Variants in RNF38 observed in about 807,000 individuals in gnomAD.
The protein encoded by RNF38 is E3 ubiquitin-protein ligase RNF38.
In RNF38, 15 loss-of-function variants were observed where a neutral mutation model predicts 67.2. The observed-to-expected ratio is 0.22, with a 90% CI of 0.15 to 0.34. RNF38 has a LOEUF of 0.34. Among genes scored for constraint, RNF38 ranks in the 10% least tolerant of loss-of-function variants. The pLI, the probability that RNF38 is intolerant of heterozygous loss-of-function variation, is 1.00. For synonymous variants in RNF38, 220 were observed against 218.8 expected, an observed-to-expected ratio of 1.01 and a Z score of -0.05; for missense variants, 524 against 639.9, an observed-to-expected ratio of 0.82 and a Z score of 1.95.
At chr9:36,349,208 G>A (rs1347670177) in intron 9 of RNF38, among the ~76,000 whole-genome samples, 1 of 152,236 alleles carries the variant, frequency 6.6e-6, no homozygotes, top group Non-Finnish European at 1.5e-5. Flanking sequence ...ACAAAGAGAT[G>A]AATCTGGTTT....
chr9:36,420,449 G>A (rs567752363), intron 2 of RNF38, among the ~76,000 whole-genome samples: 1 of 148,762 alleles, frequency 6.7e-6, no homozygotes, highest in Non-Finnish European at 1.5e-5. Flanking sequence ...GGAGAATGGA[G>A]TGAACCCAGG....
intron 7 of RNF38, 123 bp downstream of exon 7, chr9:36,353,047 T>C (rs1564001845): frequency 4.3e-6 from 4 of 931,290 alleles, no homozygotes; most frequent in Non-Finnish European, 6.6e-6. Context: ...TAAATATAAC[T>C]TTCCAACTGA....
intron 1 of RNF38, among the ~76,000 whole-genome samples, chr9:36,427,374 T>C (rs1838799670): frequency 1.3e-5 from 2 of 152,214 alleles, no homozygotes; most frequent in South Asian, 4.1e-4. Context: ...TAATGACCTC[T>C]TCCTCCTTTC....
Position 36,474,467 on chromosome 9 carries a change from T to C in RNF38, n.241+12841A>G, listed in dbSNP as rs1174976510. Reference sequence around the variant, plus strand: ...TTCAGTCTTTTGTTATCAAAACTACTTGCTGTGTTTTCGGAGGCTATCTGT... The same window carrying C: ...TTCAGTCTTTTGTTATCAAAACTACCTGCTGTGTTTTCGGAGGCTATCTGT... On this transcript the variant is annotated intron_variant and non_coding_transcript_variant, in intron 1 of 3. Coordinates refer to the RNF38 transcript ENST00000488058. Among the ~76,000 whole-genome samples the C allele has an allele frequency of 2.0e-5, 3 of 148,568 alleles. 1 individual carries two copies. Among genetic ancestry groups the C allele is most frequent in the Admixed American group, 1.3e-4 (2 of 14,884 alleles).
intron 1 of RNF38, among the ~76,000 whole-genome samples, chr9:36,396,727 A>C (rs919366567): frequency 6.6e-6 from 1 of 152,102 alleles, no homozygotes; most frequent in African/African-American, 2.4e-5. Context: ...TAACCAAAAA[A>C]ATCTAATTGA....
In RNF38 at chr9:36,487,465, C is replaced by T. The variant is rs1429157203; in HGVS notation, n.84G>A. The T allele has an allele frequency of 4.1e-6, 4 of 980,330 alleles. No individual in the cohort carries two copies. The East Asian group carries it at 3.4e-4, about 84-fold the overall frequency. The allele number at this position is 980,330 out of a possible 1,614,324, so 60.7% of individuals were successfully genotyped here. ...GCGGGGGCCCAAGCTCGGCGGGGCC[C>T]GGCCTGGGAGACGACGACTGAGGCT... On this transcript the variant is annotated non_coding_transcript_exon_variant, in exon 1 of 4. Coordinates refer to the RNF38 transcript ENST00000488058.
At chr9:36,342,278 A>C (rs776054318) in intron 11 of RNF38, 47 bp downstream of exon 11, 4 of 1,342,516 alleles carry the variant, frequency 3.0e-6, no homozygotes, top group Middle Eastern at 1.8e-4. Context: ...ATGGTCAATA[A>C]AATAGAAAAT....
At chr9:36,408,189 C>A (rs1452924198) in intron 2 of RNF38, among the ~76,000 whole-genome samples, 2 of 152,024 alleles carry the variant, frequency 1.3e-5, no homozygotes, top group Non-Finnish European at 2.9e-5. Context: ...CCCTTGAATT[C>A]CTGGGGGCTC....
At chr9:36,387,286 C>T (rs182305367) in intron 2 of RNF38, among the ~76,000 whole-genome samples, 1 of 152,348 alleles carries the variant, frequency 6.6e-6, no homozygotes, top group East Asian at 1.9e-4. Flanking sequence ...TAAGAACCCT[C>T]TCCTGGGGTC....
At chr9:36,342,072 T>C (rs2133339021) in intron 11 of RNF38, among the ~76,000 whole-genome samples, 1 of 152,302 alleles carries the variant, frequency 6.6e-6, no homozygotes. Flanking sequence ...AGTTCGGGCC[T>C]TGTCCCTATA....
chr9:36,477,684 G>A (rs1293942950), intron 1 of RNF38, among the ~76,000 whole-genome samples: 6 of 151,720 alleles, frequency 4.0e-5, no homozygotes, highest in Admixed American at 1.3e-4. Context: ...TTAGCCGGGC[G>A]TGGTGGGGGG....
At chr9:36,479,235 A>C (rs1840192856) in intron 1 of RNF38, among the ~76,000 whole-genome samples, 2 of 152,294 alleles carry the variant, frequency 1.3e-5, no homozygotes, top group African/African-American at 4.8e-5. Context: ...GGGAATTATA[A>C]TTACAGCAAT....
At chr9:36,487,002 T>C (rs1311775021) in intron 1 of RNF38, among the ~76,000 whole-genome samples, 3 of 152,086 alleles carry the variant, frequency 2.0e-5, no homozygotes, top group Non-Finnish European at 4.4e-5. Flanking sequence ...TCATTGGCTA[T>C]GTGACCTTGG....
At chr9:36,451,500 T>TTTGTTTGTTTG (rs1554698295) in intron 1 of RNF38, among the ~76,000 whole-genome samples, 2,109 of 135,248 alleles carry the variant, frequency 0.016, 89 homozygotes, top group African/African-American at 0.052. Flanking sequence ...AGTTTTTTTT[T>TTTGTTTGTTTG]TTTTTTTTTT....
Position 36,391,771 on chromosome 9 carries a change from G to A in RNF38, c.13-1155C>T, listed in dbSNP as rs544333051. ...TGGGACTACAGGCGCCCGCCACCCCGCCTGGCTAATTTTTTGTATTTTTAG... is the reference window on the plus strand; with the variant it reads ...TGGGACTACAGGCGCCCGCCACCCCACCTGGCTAATTTTTTGTATTTTTAG... On this transcript the variant is annotated intron_variant, in intron 1 of 11. Transcript: ENST00000259605. 3.2e-3 allele frequency among the ~76,000 whole-genome samples: 485 copies of A among 151,932 alleles called. 3 individuals carry two copies. Among genetic ancestry groups the A allele is most frequent in the African/African-American group, 0.011 (448 of 41,432 alleles).
intron 1 of RNF38, among the ~76,000 whole-genome samples, chr9:36,464,570 CAA>C (rs780835186): frequency 5.5e-5 from 6 of 109,070 alleles, no homozygotes; most frequent in African/African-American, 6.2e-5. Context: ...GACTCCGTCT[CAA>C]AAAAAAAAAA....
intron 3 of RNF38, among the ~76,000 whole-genome samples, chr9:36,373,707 T>G (rs1835566426): frequency 6.6e-6 from 1 of 151,978 alleles, no homozygotes; most frequent in African/African-American, 2.4e-5. Context: ...ACTCTTGACT[T>G]CAGGTGATCC....
intron 1 of RNF38, among the ~76,000 whole-genome samples, chr9:36,436,999 T>C (rs1416388688): frequency 6.6e-6 from 1 of 152,202 alleles, no homozygotes; most frequent in Non-Finnish European, 1.5e-5. Flanking sequence ...GGTCAGACTC[T>C]TCCTTTTTCC....
intron 1 of RNF38, among the ~76,000 whole-genome samples, chr9:36,467,729 TGTGGACACACACCAAAATG>T (rs1015818806): frequency 6.6e-6 from 1 of 152,226 alleles, no homozygotes; most frequent in African/African-American, 2.4e-5. Flanking sequence ...ACAGGTAATT[TGTGGACACACACCAAAATG>T]GTACCTGTTA....
Sources: allele counts gnomAD v4.1 joint callset (sites outside exome capture counted in the v4.1 genomes callset), GRCh38; gene constraint gnomAD v4.1.1; transcripts MANE v1.5; gene names NCBI Gene and HGNC (gene_info 2026-07-23, HGNC 2026-07-21).